The following MAN1A2 variants were observed in gnomAD, a reference collection of about 807,000 sequenced individuals.
The protein encoded by MAN1A2 is mannosyl-oligosaccharide 1,2-alpha-mannosidase IB.
A neutral mutation model predicts 75.7 loss-of-function variants in MAN1A2; 26 were observed. The observed-to-expected ratio is 0.34, with a 90% CI of 0.25 to 0.48. The LOEUF (loss-of-function observed/expected upper bound fraction) is 0.48. Ranked by LOEUF, MAN1A2 falls within the 20% of genes least tolerant of loss-of-function variation. MAN1A2 has a pLI of 0.99. For missense variants in MAN1A2, 562 were observed against 775.5 expected (o/e 0.72, Z 3.27); for synonymous variants, 247 against 264.6 (o/e 0.93, Z 0.65).
intron 7 of MAN1A2, among the ~76,000 whole-genome samples, chr1:117,465,937 A>G (rs1213970846): frequency 2.0e-5 from 3 of 152,116 alleles, no homozygotes; most frequent in South Asian, 4.1e-4. Context: ...ATACAATGGC[A>G]TTTTATGATT....
chr1:117,487,649 G>A (rs758818791), intron 8 of MAN1A2, among the ~76,000 whole-genome samples: 3 of 151,872 alleles, frequency 2.0e-5, no homozygotes, highest in Non-Finnish European at 4.4e-5. Flanking sequence ...TAATATTGAT[G>A]GGAATATTTT....
chr1:117,397,360 C>G (rs1275948774), intron 1 of MAN1A2, among the ~76,000 whole-genome samples: 1 of 152,044 alleles, frequency 6.6e-6, no homozygotes, highest in Non-Finnish European at 1.5e-5. Context: ...ATGATTGGAG[C>G]TTTCCTTTAG....
At chr1:117,420,480 GT>G in intron 4 of MAN1A2, 88 bp from the exon 5 acceptor site, 2 of 896,606 alleles carry the variant, frequency 2.2e-6, no homozygotes, top group Non-Finnish European at 3.6e-6. Flanking sequence ...TCCACAGGGT[GT>G]TTGTGAAAAA....
intron 1 of MAN1A2, among the ~76,000 whole-genome samples, chr1:117,383,112 ATCTT>A (rs1653405500): frequency 6.6e-6 from 1 of 152,160 alleles, no homozygotes; most frequent in Non-Finnish European, 1.5e-5. Context: ...CTTACTCCTT[ATCTT>A]AGGGGCAAAG....
At chr1:117,462,677 A>T (rs1212266080) in intron 7 of MAN1A2, among the ~76,000 whole-genome samples, 1 of 152,210 alleles carries the variant, frequency 6.6e-6, no homozygotes, top group Non-Finnish European at 1.5e-5. Context: ...ATGGCAGTAG[A>T]TAAAACTATA....
At chr1:117,419,049 G>A (rs1482863041) in intron 4 of MAN1A2, among the ~76,000 whole-genome samples, 2 of 152,072 alleles carry the variant, frequency 1.3e-5, no homozygotes, top group Non-Finnish European at 2.9e-5. Context: ...GGAGTCTCAA[G>A]TTTGACAATT....
chr1:117,499,245 C>T (rs1275984532), intron 10 of MAN1A2, 137 bp from the exon 11 acceptor site: 4 of 523,444 alleles, frequency 7.6e-6, no homozygotes, highest in African/African-American at 4.0e-5. Flanking sequence ...ACTCATTTTG[C>T]ACTGAGTGCA....
chr1:117,506,997 G>A (rs1330055902), intron 12 of MAN1A2, among the ~76,000 whole-genome samples: 2 of 151,572 alleles, frequency 1.3e-5, no homozygotes, highest in African/African-American at 4.8e-5. Flanking sequence ...AAACAGTATT[G>A]ACTTAGAAAT....
chr1:117,512,869 T>G (rs531139518), intron 12 of MAN1A2, among the ~76,000 whole-genome samples: 2 of 152,236 alleles, frequency 1.3e-5, no homozygotes, highest in South Asian at 4.2e-4. Context: ...TGAAATATGC[T>G]TGCCAATTTC....
intron 5 of MAN1A2, among the ~76,000 whole-genome samples, chr1:117,438,345 T>C (rs537769480): frequency 2.7e-5 from 4 of 149,758 alleles, no homozygotes; most frequent in African/African-American, 9.8e-5. Flanking sequence ...CTGTAAAATA[T>C]ATTTGTGTTT....
In MAN1A2 at chr1:117,474,040, C is replaced by A. The variant is rs1650240570; in HGVS notation, c.1168+7613C>A. On this transcript the variant is annotated intron_variant, in intron 8 of 12. Coordinates refer to ENST00000356554, the MANE Select transcript of MAN1A2 (RefSeq NM_006699.5). ...GGTAAATTTGGAGGTAATAGTAAAA[C>A]AGACTGACAGCTGGGCTGACCCACA... Among the ~76,000 whole-genome samples, 3 of 151,954 alleles carry A rather than the reference C, an allele frequency of 2.0e-5. No homozygotes were observed. The South Asian group carries it at 6.2e-4, about 32-fold the overall frequency.
In MAN1A2 at chr1:117,368,249, T is replaced by G; in HGVS notation, c.66T>G (p.Pro22=). The change falls in exon 1 of 13, where the codon CCT becomes CCG. Residue 22 remains proline, a synonymous_variant. Coordinates refer to ENST00000356554, the MANE Select transcript of MAN1A2 (RefSeq NM_006699.5). The part of the protein sequence containing the change: ...RRIPPLNLGP[P]SFPHHRATLR... ...TACCACCTCTGAACCTGGGGCCGCC[T>G]TCCTTCCCACATCACAGGGCTACCT... is the stretch of plus-strand genomic sequence containing the variant. 1 of 1,614,180 alleles carries G rather than the reference T, an allele frequency of 6.2e-7. No individual in the cohort carries two copies. Among genetic ancestry groups the G allele is most frequent in the Non-Finnish European group, 8.5e-7 (1 of 1,180,040 alleles).
intron 1 of MAN1A2, among the ~76,000 whole-genome samples, chr1:117,394,333 C>T (rs1289958): frequency 0.16 from 24,085 of 152,054 alleles, 2,288 homozygotes; most frequent in African/African-American, 0.24. Context: ...CCGCCCGCCT[C>T]GGCCTCCCAA....
In MAN1A2 at chr1:117,460,499, C is replaced by T. The variant is rs1316708479; in HGVS notation, c.961C>T (p.Arg321Ter). Residue 321 changes from arginine (R) to a stop codon, truncating the protein, a stop_gained, in exon 7 of 13, where the codon CGA (arginine) becomes TGA (stop). Coordinates refer to ENST00000356554, the MANE Select transcript of MAN1A2 (RefSeq NM_006699.5). LOFTEE classifies it high-confidence loss of function. The part of the protein sequence containing the change: ...AMVNLKSGVG[R>*]NWGWASAGSS... ...TTCCTTTTCATTCAGTGGAGTAGGG[C>T]GAAACTGGGGCTGGGCATCTGCAGG... 1 of 1,611,166 alleles carries T rather than the reference C, an allele frequency of 6.2e-7. No homozygotes were observed. The highest frequency in any genetic ancestry group is 8.5e-7 in the Non-Finnish European group (1 of 1,178,766).
intron 1 of MAN1A2, among the ~76,000 whole-genome samples, chr1:117,387,233 AAAC>A (rs1653562997): frequency 6.6e-6 from 1 of 151,878 alleles, no homozygotes; most frequent in African/African-American, 2.4e-5. Flanking sequence ...AAAAAAAAAA[AAAC>A]AAAGTAACAG....
chr1:117,506,003 T>C (rs997023487), intron 12 of MAN1A2, among the ~76,000 whole-genome samples: 1 of 151,662 alleles, frequency 6.6e-6, no homozygotes, highest in South Asian at 2.1e-4. Flanking sequence ...GATTTACTCT[T>C]TATAAAAACT....
At chr1:117,468,132 G>T (rs1301276479) in intron 8 of MAN1A2, among the ~76,000 whole-genome samples, 8 of 152,096 alleles carry the variant, frequency 5.3e-5, no homozygotes, top group Non-Finnish European at 1.2e-4. Flanking sequence ...CCACAGGGCT[G>T]GGGAAGCCTC....
Position 117,430,875 on chromosome 1 carries a change from T to A in MAN1A2, c.855+10226T>A, listed in dbSNP as rs1317643244. On this transcript the variant is annotated intron_variant, in intron 5 of 12. Coordinates refer to ENST00000356554, the MANE Select transcript of MAN1A2 (RefSeq NM_006699.5). ...AAGGCAGGCGGCTGGGAGGTGTAGG[T>A]TGTAGCGAGCCGAGATCACGCCACT... is the stretch of plus-strand genomic sequence containing the variant. 6.8e-5 allele frequency among the ~76,000 whole-genome samples: 8 copies of A among 117,996 alleles called. No homozygotes were observed. In the East Asian group the frequency reaches 2.0e-3, roughly 30 times the overall value. The allele number at this position is 117,996 out of a possible 152,430, so 77.4% of individuals were successfully genotyped here. A position where few individuals can be genotyped will look rare whatever the true frequency, so the allele number is the denominator to read the frequency against.
At position 117,495,205 on chromosome 1, in the gene MAN1A2, C is replaced by T. The variant is rs116026813; in HGVS notation, c.1285-1558C>T. Reference sequence around the variant, plus strand: ...TATGTATCTTGTAAATATTTCTGTACTTGCTTTCTTTTCCCTGTTTTTATT... The same window carrying T: ...TATGTATCTTGTAAATATTTCTGTATTTGCTTTCTTTTCCCTGTTTTTATT... On this transcript the variant is annotated intron_variant, in intron 9 of 12. Coordinates refer to ENST00000356554, the MANE Select transcript of MAN1A2 (RefSeq NM_006699.5). 7.4e-3 allele frequency among the ~76,000 whole-genome samples: 1,117 copies of T among 151,748 alleles called. 18 individuals are homozygous for T. The highest frequency in any genetic ancestry group is 0.026 in the African/African-American group (1,069 of 41,470).
Sources: gnomAD v4.1 joint callset for allele counts (sites outside exome capture counted in the v4.1 genomes callset) on GRCh38, gnomAD v4.1.1 for gene constraint, MANE v1.5 for transcripts, NCBI Gene and HGNC (gene_info 2026-07-23, HGNC 2026-07-21) for gene names.